Variants in IQSEC1 observed in about 807,000 individuals in gnomAD.
The protein encoded by IQSEC1 is IQ motif and SEC7 domain-containing protein 1.
A neutral mutation model predicts 91.0 loss-of-function variants in IQSEC1; 31 were observed. That is an observed-to-expected ratio of 0.34 (90% CI 0.26 to 0.46). The LOEUF is 0.46. Ranked by LOEUF, IQSEC1 falls within the 20% of genes least tolerant of loss-of-function variation. The pLI is 1.00. For synonymous variants in IQSEC1, 699 were observed against 662.6 expected (o/e 1.05, Z -0.84); for missense variants, 1,388 against 1,575.6 (o/e 0.88, Z 2.02).
chr3:12,961,279 C>T (rs1176419081), intron 1 of IQSEC1, among the ~76,000 whole-genome samples: 1 of 152,244 alleles, frequency 6.6e-6, no homozygotes, highest in African/African-American at 2.4e-5. Flanking sequence ...GGCTGGGGGC[C>T]TCTACCTTGA....
intron 1 of IQSEC1, among the ~76,000 whole-genome samples, chr3:12,956,291 G>A (rs1464466388): frequency 6.6e-6 from 1 of 152,176 alleles, no homozygotes; most frequent in South Asian, 2.1e-4. Context: ...CCAACGCAAA[G>A]AACAGAACTA....
In IQSEC1 at chr3:12,899,454, G is replaced by C. The variant is rs376381402; in HGVS notation, c.*1529C>G. 7 of 1,605,896 alleles carry C rather than the reference G, an allele frequency of 4.4e-6. No individual in the cohort carries two copies. In the African/African-American group the frequency reaches 9.4e-5, roughly 21 times the overall value. On this transcript the variant is annotated 3_prime_UTR_variant, in exon 14 of 14. Transcript: ENST00000613206. ...CTGAAACTACAAAGTATGGCCCGTG[G>C]GTGACTCGGGCACAGACCTGCCGCG...
At chr3:13,047,086 G>C (rs1021737647) in intron 1 of IQSEC1, among the ~76,000 whole-genome samples, 4 of 152,018 alleles carry the variant, frequency 2.6e-5, no homozygotes, top group African/African-American at 4.8e-5. Context: ...AAACCAACAG[G>C]CTTCTCCCCT....
intron 1 of IQSEC1, among the ~76,000 whole-genome samples, chr3:13,036,630 CGGTGTGG>C (rs1465231673): frequency 6.6e-6 from 1 of 152,082 alleles, no homozygotes; most frequent in African/African-American, 2.4e-5. Context: ...AGGGCATCAG[CGGTGTGG>C]GGGGTGCCCG....
Position 13,214,488 on chromosome 3 carries a change from C to G in IQSEC1, c.273-50355G>C, listed in dbSNP as rs557521623. Among the ~76,000 whole-genome samples, 5 of 152,396 alleles carry G rather than the reference C, an allele frequency of 3.3e-5. No homozygotes were observed. Among genetic ancestry groups the G allele is most frequent in the Admixed American group, 1.3e-4 (2 of 15,312 alleles). On this transcript the variant is annotated intron_variant, in intron 1 of 15. Coordinates refer to the IQSEC1 transcript ENST00000648114. This position sits in a 1 kb window ranked among gnomAD's most constrained non-coding sequence, Gnocchi z 4.5. ...CATGTCCCTCCTCGTAGCCCTCCTT[C>G]CTCCAAGAAACAAATGGGAAACTCC...
chr3:13,041,221 C>T (rs937707765), intron 1 of IQSEC1, among the ~76,000 whole-genome samples: 9 of 149,430 alleles, frequency 6.0e-5, no homozygotes, highest in African/African-American at 2.0e-4. Flanking sequence ...AGCCTGGGGG[C>T]GGGGGGTGGG....
intron 2 of IQSEC1, among the ~76,000 whole-genome samples, chr3:13,083,676 G>T (rs1342494187): frequency 6.6e-6 from 1 of 152,266 alleles, no homozygotes; most frequent in African/African-American, 2.4e-5. Flanking sequence ...TGCTTCATCT[G>T]GAGAACAGGC....
At chr3:12,903,588 C>T (rs377534504) in intron 12 of IQSEC1, among the ~76,000 whole-genome samples, 13 of 152,342 alleles carry the variant, frequency 8.5e-5, no homozygotes, top group Admixed American at 6.5e-4. Context: ...ACTCGGCATG[C>T]GGGGTCCGTC....
chr3:12,899,911 G>GGTGCCCCTCTCGGAGGACTCTGAATGAGT lies in IQSEC1; in HGVS notation c.*1043_*1071dup. On this transcript the variant is annotated 3_prime_UTR_variant, in exon 14 of 14. Coordinates refer to ENST00000613206, the MANE Select transcript of IQSEC1 (RefSeq NM_001134382.3). ...GAGATGAACACTTCTGCCGTGTATG[G>GGTGCCCCTCTCGGAGGACTCTGAATGAGT]GTGCCCCTCTCGGAGGACTCTGAAT... The GGTGCCCCTCTCGGAGGACTCTGAATGAGT allele has an allele frequency of 1.0e-6, 1 of 985,248 alleles. No homozygotes were observed. Among genetic ancestry groups the GGTGCCCCTCTCGGAGGACTCTGAATGAGT allele is most frequent in the South Asian group, 4.7e-5 (1 of 21,258 alleles). The allele number at this position is 985,248 out of a possible 1,614,324, so 61.0% of individuals were successfully genotyped here.
chr3:13,044,277 G>A (rs750636490), intron 1 of IQSEC1, among the ~76,000 whole-genome samples: 1 of 152,208 alleles, frequency 6.6e-6, no homozygotes, highest in Non-Finnish European at 1.5e-5. Context: ...CAAATGGGGA[G>A]AGAGTGCCAG....
intron 6 of IQSEC1, among the ~76,000 whole-genome samples, chr3:12,918,267 A>C (rs943377665): frequency 3.3e-5 from 5 of 152,214 alleles, no homozygotes; most frequent in African/African-American, 9.6e-5. Flanking sequence ...CCTTCTTGGG[A>C]ATGGGGTGCA....
At chr3:13,216,288 C>T (rs774927772) in intron 1 of IQSEC1, among the ~76,000 whole-genome samples, 1 of 152,266 alleles carries the variant, frequency 6.6e-6, no homozygotes, top group Non-Finnish European at 1.5e-5. Context: ...CAGCATTTCC[C>T]AACCAGCATC....
At chr3:13,186,707 G>C (rs554835010) in intron 1 of IQSEC1, among the ~76,000 whole-genome samples, 2 of 152,274 alleles carry the variant, frequency 1.3e-5, no homozygotes, top group Non-Finnish European at 2.9e-5. Context: ...GGGATGGCCA[G>C]ACACGTGAAC....
intron 2 of IQSEC1, among the ~76,000 whole-genome samples, chr3:13,156,903 C>A (rs979056598): frequency 6.6e-6 from 1 of 152,130 alleles, no homozygotes; most frequent in Non-Finnish European, 1.5e-5. Context: ...AATGGAGGTA[C>A]CAGAAGGCCA....
At position 12,983,055 on chromosome 3, in the gene IQSEC1, G is replaced by C. The variant is rs764036530; in HGVS notation, c.24-41190C>G. Among the ~76,000 whole-genome samples the C allele has an allele frequency of 1.7e-4, 26 of 152,294 alleles. No individual in the cohort carries two copies. Among genetic ancestry groups the C allele is most frequent in the Admixed American group, 1.7e-3 (26 of 15,296 alleles). ...GCTTGTGCGTGGGATGGAGGGTGAGGAGTGCTATTGCTCACTGGGGGCTCC... is the reference window on the plus strand; with the variant it reads ...GCTTGTGCGTGGGATGGAGGGTGAGCAGTGCTATTGCTCACTGGGGGCTCC... On this transcript the variant is annotated intron_variant, in intron 1 of 13. Transcript: ENST00000613206. This position sits in a 1 kb window ranked among gnomAD's most constrained non-coding sequence, Gnocchi z 4.3.
At chr3:13,235,292 C>A (rs892915586) in intron 1 of IQSEC1, among the ~76,000 whole-genome samples, 1 of 152,146 alleles carries the variant, frequency 6.6e-6, no homozygotes, top group Non-Finnish European at 1.5e-5. Flanking sequence ...ACACCCTCCC[C>A]GGCGCTGGGG....
chr3:13,132,809 C>T (rs558843767), intron 2 of IQSEC1, among the ~76,000 whole-genome samples: 25 of 152,152 alleles, frequency 1.6e-4, no homozygotes, highest in Non-Finnish European at 3.5e-4. Flanking sequence ...TTTTGTTTCA[C>T]CAGGAAACTT....
At chr3:13,226,579 C>A (rs773201983) in intron 1 of IQSEC1, among the ~76,000 whole-genome samples, 60 of 122,066 alleles carry the variant, frequency 4.9e-4, no homozygotes, top group Non-Finnish European at 7.9e-4. Flanking sequence ...TAGTGAGACC[C>A]CATCTCTACC....
chr3:13,026,577 G>A (rs915365210), intron 1 of IQSEC1, among the ~76,000 whole-genome samples: 1 of 152,228 alleles, frequency 6.6e-6, no homozygotes, highest in African/African-American at 2.4e-5. Flanking sequence ...TACCAAGGGA[G>A]CAAATGAAAA....
Sources: allele counts gnomAD v4.1 joint callset (sites outside exome capture counted in the v4.1 genomes callset), GRCh38; gene constraint gnomAD v4.1.1; non-coding constraint Gnocchi (gnomAD v3.1); transcripts MANE v1.5; gene names NCBI Gene and HGNC (gene_info 2026-07-23, HGNC 2026-07-21).